The following WDSUB1 variants were observed in gnomAD, a reference collection of about 807,000 sequenced individuals.
WDSUB1 encodes WD repeat, SAM and U-box domain-containing protein 1.
WDSUB1 carries 49 observed loss-of-function variants against 53.9 expected under a neutral mutation model. That is an observed-to-expected ratio of 0.91 (90% confidence interval 0.72 to 1.15). WDSUB1 has a LOEUF of 1.15. WDSUB1 is among the 50% of genes most tolerant of loss of function. WDSUB1 has a pLI of 0.00. For synonymous variants in WDSUB1, 194 were observed against 200.6 expected, an observed-to-expected ratio of 0.97 and a Z score of 0.28; for missense variants, 514 against 562.0, an observed-to-expected ratio of 0.91 and a Z score of 0.86.
chr2:159,275,486 A>T, intron 4 of WDSUB1, 60 bp downstream of exon 4: 1 of 1,367,656 alleles, frequency 7.3e-7, no homozygotes, highest in Non-Finnish European at 1.0e-6. Context: ...TAAAAAGATT[A>T]AATAGAAATT....
At chr2:159,277,149 C>T (rs561432947) in intron 3 of WDSUB1, among the ~76,000 whole-genome samples, 6 of 152,280 alleles carry the variant, frequency 3.9e-5, no homozygotes, top group East Asian at 3.9e-4. Flanking sequence ...ACTTTACTAA[C>T]GAACAACAAA....
At chr2:159,259,025 T>C (rs1037117287) in intron 6 of WDSUB1, among the ~76,000 whole-genome samples, 1 of 151,506 alleles carries the variant, frequency 6.6e-6, no homozygotes, top group Non-Finnish European at 1.5e-5. Flanking sequence ...AATATTTTTT[T>C]CAACTACTTT....
At chr2:159,272,215 G>A (rs184321097) in intron 4 of WDSUB1, among the ~76,000 whole-genome samples, 2 of 152,304 alleles carry the variant, frequency 1.3e-5, no homozygotes, top group African/African-American at 4.8e-5. Context: ...CTCAAGGTCT[G>A]GGTTTAAGAG....
intron 10 of WDSUB1, among the ~76,000 whole-genome samples, chr2:159,238,957 T>C (rs1295993460): frequency 6.6e-6 from 1 of 152,176 alleles, no homozygotes; most frequent in Non-Finnish European, 1.5e-5. Flanking sequence ...TTTGTTTTTA[T>C]GTAGGGTTGA....
intron 9 of WDSUB1, among the ~76,000 whole-genome samples, chr2:159,249,283 T>C (rs2060892440): frequency 6.6e-6 from 1 of 152,234 alleles, no homozygotes; most frequent in Non-Finnish European, 1.5e-5. Context: ...CAAATAAAGC[T>C]CATCTGTTTG....
chr2:159,258,043 A>G, intron 6 of WDSUB1, 58 bp from the exon 7 acceptor site: 3 of 1,498,670 alleles, frequency 2.0e-6, no homozygotes, highest in Non-Finnish European at 2.8e-6. Context: ...GTTACTGATG[A>G]AGACTCATTT....
chr2:159,258,068 G>A, intron 6 of WDSUB1, 83 bp from the exon 7 acceptor site: 1 of 1,178,154 alleles, frequency 8.5e-7, no homozygotes, highest in Non-Finnish European at 1.3e-6. Context: ...TAAATGGGTT[G>A]TATACTAAGT....
intron 10 of WDSUB1, among the ~76,000 whole-genome samples, chr2:159,237,524 A>G (rs1011540826): frequency 6.7e-6 from 1 of 149,230 alleles, no homozygotes. Flanking sequence ...CCATCTCAAA[A>G]AAAAAAAAAG....
In WDSUB1 at chr2:159,271,814, C is replaced by G. The variant is rs114670820; in HGVS notation, c.677-19G>C. 7.4e-4 allele frequency: 1,179 copies of G among 1,594,200 alleles called. 13 individuals are homozygous for G. The African/African-American group carries it at 0.014, about 19-fold the overall frequency. On this transcript the variant is annotated intron_variant, in intron 4 of 10. Transcript: ENST00000359774. ...TCAAAACCTGCAAATAACAAGGTAA[C>G]AGAGATTAGAAAGCTGACCATGCTT... is the stretch of plus-strand genomic sequence containing the variant.
At chr2:159,283,744 T>C (rs1363417402) in intron 1 of WDSUB1, among the ~76,000 whole-genome samples, 2 of 152,068 alleles carry the variant, frequency 1.3e-5, no homozygotes, top group Non-Finnish European at 2.9e-5. Flanking sequence ...CCTCCTGCTG[T>C]GCAGCCCAGT....
In WDSUB1 at chr2:159,243,128, C is replaced by G. The variant is rs1180956972; in HGVS notation, c.1273+5244G>C. Among the ~76,000 whole-genome samples, 3 of 147,626 alleles carry G rather than the reference C, an allele frequency of 2.0e-5. No homozygotes were observed. The East Asian group carries it at 6.2e-4, about 31-fold the overall frequency. ...TTTAAAAAAATTCAACTGTATGTTT[C>G]CCATAGGAACACCTATAAAACAAAG... is the stretch of plus-strand genomic sequence containing the variant. On this transcript the variant is annotated intron_variant, in intron 10 of 10. Transcript: ENST00000359774.
At chr2:159,247,336 GAGA>G (rs2060821503) in intron 10 of WDSUB1, among the ~76,000 whole-genome samples, 1 of 152,148 alleles carries the variant, frequency 6.6e-6, no homozygotes, top group Non-Finnish European at 1.5e-5. Flanking sequence ...CTAATTATCA[GAGA>G]AGATGAATAG....
Position 159,236,167 on chromosome 2 carries a change from C to T in WDSUB1, c.1297G>A (p.Ala433Thr), listed in dbSNP as rs1173540242. The T allele has an allele frequency of 1.9e-6, 3 of 1,609,188 alleles. No homozygotes were observed. The highest frequency in any genetic ancestry group is 1.1e-5 in the South Asian group (1 of 89,166). ...ASDGYSYEKEAMENWISKKKR... is the reference protein window; with the variant it reads ...ASDGYSYEKETMENWISKKKR... ...TTTTTGCTGATCCAATTTTCCATTG[C>T]TTCCTTTTCATATGAATAGCCATCT... Residue 433 changes from alanine to threonine, a missense_variant, in exon 11 of 11, where the codon GCA (alanine) becomes ACA (threonine). Ala to Thr is a moderately conservative substitution (Grantham distance 58, BLOSUM62 0). Transcript: ENST00000359774.
Position 159,266,281 on chromosome 2 carries a change from C to T in WDSUB1, c.770+5421G>A, listed in dbSNP as rs188734365. ...TGGACTCACCGCAAGCACCGCCTCCCGGGTTCACGCCACTCTCCTGCCTCA... is the reference window on the plus strand; with the variant it reads ...TGGACTCACCGCAAGCACCGCCTCCTGGGTTCACGCCACTCTCCTGCCTCA... On this transcript the variant is annotated intron_variant, in intron 5 of 10. Coordinates refer to ENST00000359774, the MANE Select transcript of WDSUB1 (RefSeq NM_001128212.3). 7.3e-3 allele frequency among the ~76,000 whole-genome samples: 1,107 copies of T among 151,952 alleles called. 7 individuals are homozygous for T. Among genetic ancestry groups the T allele is most frequent in the Non-Finnish European group, 0.012 (823 of 67,920 alleles).
intron 10 of WDSUB1, among the ~76,000 whole-genome samples, chr2:159,242,853 G>A (rs1037745842): frequency 6.8e-6 from 1 of 147,620 alleles, no homozygotes; most frequent in Admixed American, 6.6e-5. Flanking sequence ...TAAAAATGAG[G>A]TACAAGAATG....
intron 5 of WDSUB1, among the ~76,000 whole-genome samples, 158 bp from the exon 6 acceptor site, chr2:159,260,001 T>G (rs2061154197): frequency 6.6e-6 from 1 of 152,184 alleles, no homozygotes; most frequent in South Asian, 2.1e-4. Context: ...CATGAAAACT[T>G]TAATTCAAAA....
rs538204337 is a variant in WDSUB1, at chr2:159,235,887, A to C, written c.*146T>G. The C allele has an allele frequency of 1.3e-6, 1 of 761,434 alleles. No individual in the cohort carries two copies. The highest frequency in any genetic ancestry group is 1.9e-6 in the Non-Finnish European group (1 of 528,882). The allele number at this position is 761,434 out of a possible 1,614,324, so 47.2% of individuals were successfully genotyped here. A position where few individuals can be genotyped will look rare whatever the true frequency, so the allele number is the denominator to read the frequency against. ...TAGTAAGTCCATGTGTTTTTTAAAGAATGAAAATTGACAATTTTTATAGGT... is the reference window on the plus strand; with the variant it reads ...TAGTAAGTCCATGTGTTTTTTAAAGCATGAAAATTGACAATTTTTATAGGT... On this transcript the variant is annotated 3_prime_UTR_variant, in exon 11 of 11. Transcript: ENST00000359774.
At chr2:159,264,193 G>C (rs376091370) in intron 5 of WDSUB1, among the ~76,000 whole-genome samples, 12 of 152,250 alleles carry the variant, frequency 7.9e-5, no homozygotes, top group African/African-American at 2.6e-4. Flanking sequence ...GTGATGGTGT[G>C]GCTATTCAAA....
At chr2:159,255,855 G>T (rs1407854115) in intron 9 of WDSUB1, among the ~76,000 whole-genome samples, 1 of 151,876 alleles carries the variant, frequency 6.6e-6, no homozygotes, top group African/African-American at 2.4e-5. Flanking sequence ...ACTTGTTTTT[G>T]GTAAAGATCT....
Sources: allele counts gnomAD v4.1 joint callset (sites outside exome capture counted in the v4.1 genomes callset), GRCh38; gene constraint gnomAD v4.1.1; transcripts MANE v1.5; gene names NCBI Gene and HGNC (gene_info 2026-07-23, HGNC 2026-07-21).